CRIM1: variants seen among roughly 807,000 people sequenced by gnomAD.
CRIM1 encodes cysteine rich transmembrane BMP regulator 1.
In CRIM1, 32 loss-of-function variants were observed where a neutral mutation model predicts 116.4. The ratio of observed to expected loss-of-function variants is 0.27; its 90% CI spans 0.21 to 0.37. The LOEUF is 0.37. CRIM1 is among the 10% of genes least tolerant of loss of function. The pLI, the probability that CRIM1 is intolerant of heterozygous loss-of-function variation, is 1.00. For synonymous variants in CRIM1, 590 were observed against 509.2 expected (o/e 1.16, Z -2.13); for missense variants, 1,331 against 1,354.8 (o/e 0.98, Z 0.28).
intron 7 of CRIM1, among the ~76,000 whole-genome samples, chr2:36,493,478 A>G (rs1038050968): frequency 7.9e-5 from 12 of 152,194 alleles, no homozygotes; most frequent in Non-Finnish European, 1.3e-4. Context: ...ATCTGGAAAC[A>G]GAGTTAATTA....
At chr2:36,504,600 C>G (rs1388099922) in intron 8 of CRIM1, among the ~76,000 whole-genome samples, 2 of 152,184 alleles carry the variant, frequency 1.3e-5, no homozygotes, top group African/African-American at 4.8e-5. Flanking sequence ...TTATCCCTGA[C>G]TCAGTTCCTC....
At chr2:36,436,713 C>G (rs1490470705) in intron 2 of CRIM1, among the ~76,000 whole-genome samples, 2 of 152,164 alleles carry the variant, frequency 1.3e-5, no homozygotes, top group African/African-American at 4.8e-5. Context: ...CACATACATA[C>G]ACACACGTGC....
At chr2:36,491,703 C>G (rs1332048345) in intron 7 of CRIM1, among the ~76,000 whole-genome samples, 1 of 152,124 alleles carries the variant, frequency 6.6e-6, no homozygotes, top group Non-Finnish European at 1.5e-5. Flanking sequence ...GACCCTTCCT[C>G]CCTGGTTTTC....
chr2:36,374,445 C>G (rs1411322276), intron 1 of CRIM1, among the ~76,000 whole-genome samples: 4 of 152,248 alleles, frequency 2.6e-5, no homozygotes, highest in Admixed American at 2.6e-4. Flanking sequence ...CAAAAACTAG[C>G]TTCATGTTTT....
chr2:36,484,464 G>A (rs949925128), intron 7 of CRIM1, among the ~76,000 whole-genome samples: 2 of 152,150 alleles, frequency 1.3e-5, no homozygotes, highest in Non-Finnish European at 2.9e-5. Flanking sequence ...AAGGTATCGG[G>A]GAGGGAAGTT....
At chr2:36,493,177 G>C (rs1447951460) in intron 7 of CRIM1, among the ~76,000 whole-genome samples, 3 of 152,086 alleles carry the variant, frequency 2.0e-5, no homozygotes, top group Non-Finnish European at 4.4e-5. Context: ...AGGAGGCTGA[G>C]GTAGGAAGAT....
At chr2:36,453,514 G>A (rs1433735314) in intron 4 of CRIM1, among the ~76,000 whole-genome samples, 1 of 152,178 alleles carries the variant, frequency 6.6e-6, no homozygotes, top group Non-Finnish European at 1.5e-5. Context: ...GGTAAGTAAT[G>A]AATGCTTTTA....
chr2:36,548,720 AG>A lies in CRIM1; in HGVS notation c.*21del, dbSNP rs756622897. ...AGTGTGAAGAAAGGCAACTAGGATG[AG>A]GTTTCAAAAGACGGAAGACGACTAA... On this transcript the variant is annotated 3_prime_UTR_variant, in exon 17 of 17. Transcript: ENST00000280527. 1 of 1,556,194 alleles carries A rather than the reference AG, an allele frequency of 6.4e-7. No homozygotes were observed. Among genetic ancestry groups the A allele is most frequent in the East Asian group, 2.2e-5 (1 of 44,458 alleles).
At chr2:36,514,526 GA>G (rs1226784342) in intron 11 of CRIM1, among the ~76,000 whole-genome samples, 1 of 152,200 alleles carries the variant, frequency 6.6e-6, no homozygotes, top group Admixed American at 6.5e-5. Flanking sequence ...AACAGACACA[GA>G]AAGATTGACT....
At chr2:36,402,379 C>G (rs1488051167) in intron 2 of CRIM1, among the ~76,000 whole-genome samples, 1 of 149,570 alleles carries the variant, frequency 6.7e-6, no homozygotes, top group Non-Finnish European at 1.5e-5. Flanking sequence ...ACTGCAAAAG[C>G]TCTAAGGAGA....
chr2:36,478,805 C>T (rs1042491947), intron 6 of CRIM1, among the ~76,000 whole-genome samples: 2 of 151,702 alleles, frequency 1.3e-5, no homozygotes, highest in Non-Finnish European at 2.9e-5. Context: ...GTTTCATATG[C>T]AGTATTTATA....
At chr2:36,394,130 T>C (rs904603485) in intron 1 of CRIM1, among the ~76,000 whole-genome samples, 9 of 152,296 alleles carry the variant, frequency 5.9e-5, no homozygotes, top group African/African-American at 2.2e-4. Context: ...GAAAAAATTC[T>C]GCAATAGGAT....
chr2:36,471,703 A>T (rs906437503), intron 5 of CRIM1, among the ~76,000 whole-genome samples: 3 of 150,508 alleles, frequency 2.0e-5, no homozygotes, highest in African/African-American at 7.4e-5. Flanking sequence ...ATACACTAAC[A>T]CTAATGATAG....
chr2:36,419,434 A>C (rs752822221), intron 2 of CRIM1, among the ~76,000 whole-genome samples: 1 of 152,218 alleles, frequency 6.6e-6, no homozygotes, highest in Non-Finnish European at 1.5e-5. Context: ...TAACAAGAGC[A>C]CATTTTATTG....
intron 2 of CRIM1, among the ~76,000 whole-genome samples, chr2:36,420,962 A>G (rs1674011690): frequency 6.6e-6 from 1 of 152,218 alleles, no homozygotes; most frequent in South Asian, 2.1e-4. Context: ...CACAGAGGCC[A>G]CTGGAGATCT....
At position 36,551,121 on chromosome 2, in the gene CRIM1, T is replaced by TTTGAG. The variant is rs1667744766; in HGVS notation, c.*2425_*2429dup. 6.6e-6 allele frequency: 1 copy of TTTGAG among 152,626 alleles called. No homozygotes were observed. Among genetic ancestry groups the TTTGAG allele is most frequent in the Admixed American group, 6.5e-5 (1 of 15,284 alleles). 9.5% of individuals were successfully genotyped at this position (152,626 alleles called of 1,614,324 possible). A position where few individuals can be genotyped will look rare whatever the true frequency, so the allele number is the denominator to read the frequency against. ...TTGATTCTTGGCAGGAAATAAACAT[T>TTTGAG]TTGAGTTGAAATCACACAGTGTAAC... On this transcript the variant is annotated 3_prime_UTR_variant, in exon 17 of 17. Coordinates refer to ENST00000280527, the MANE Select transcript of CRIM1 (RefSeq NM_016441.3).
chr2:36,455,539 C>G (rs1008298820), intron 4 of CRIM1, among the ~76,000 whole-genome samples: 12 of 152,146 alleles, frequency 7.9e-5, no homozygotes, highest in Admixed American at 4.6e-4. Flanking sequence ...AGTGCATTCC[C>G]CAAACCTCTG....
chr2:36,372,708 T>A (rs1363759989), intron 1 of CRIM1, among the ~76,000 whole-genome samples: 1 of 152,244 alleles, frequency 6.6e-6, no homozygotes, highest in Non-Finnish European at 1.5e-5. Context: ...AAGTTTACGA[T>A]GCTCATCTCA....
At chr2:36,442,043 G>C (rs1448686585) in intron 3 of CRIM1, among the ~76,000 whole-genome samples, 1 of 152,088 alleles carries the variant, frequency 6.6e-6, no homozygotes, top group Non-Finnish European at 1.5e-5. Flanking sequence ...ATCTTTGACT[G>C]TTTACTCACC....
Sources: allele counts gnomAD v4.1 joint callset (sites outside exome capture counted in the v4.1 genomes callset), GRCh38; gene constraint gnomAD v4.1.1; transcripts MANE v1.5; gene names NCBI Gene and HGNC (gene_info 2026-07-23, HGNC 2026-07-21).